The following ITFG1 variants were observed in gnomAD, a reference collection of about 807,000 sequenced individuals.
ITFG1 encodes the protein integrin alpha FG-GAP repeat containing 1.
A neutral mutation model predicts 81.8 loss-of-function variants in ITFG1; 34 were observed. That is an observed-to-expected ratio of 0.42 (90% CI 0.32 to 0.55). ITFG1 has a LOEUF of 0.55. ITFG1 is among the 20% of genes least tolerant of loss of function. The pLI, the probability that ITFG1 is intolerant of heterozygous loss-of-function variation, is 0.17. For synonymous variants in ITFG1, 285 were observed against 270.6 expected, an observed-to-expected ratio of 1.05 and a Z score of -0.52; for missense variants, 672 against 755.4, an observed-to-expected ratio of 0.89 and a Z score of 1.29.
chr16:47,208,187 C>A (rs1482984335), intron 14 of ITFG1, among the ~76,000 whole-genome samples: 1 of 152,154 alleles, frequency 6.6e-6, no homozygotes, highest in African/African-American at 2.4e-5. Context: ...GACTAGAGAA[C>A]CTGGAGCCAG....
At position 47,185,644 on chromosome 16, in the gene ITFG1, C is replaced by G. The variant is rs1596793685; in HGVS notation, c.1454-22980G>C. Among the ~76,000 whole-genome samples, 6 of 152,184 alleles carry G rather than the reference C, an allele frequency of 3.9e-5. No homozygotes were observed. In the South Asian group the frequency reaches 1.2e-3, roughly 32 times the overall value. On this transcript the variant is annotated intron_variant, in intron 14 of 17. Transcript: ENST00000320640. ...GAGGGAAATTTATAGCACTAAATGCCCACAAGAGAGCAGGAAAGATCCAAA... is the reference window on the plus strand; with the variant it reads ...GAGGGAAATTTATAGCACTAAATGCGCACAAGAGAGCAGGAAAGATCCAAA...
At chr16:47,436,737 A>G (rs959597870) in intron 5 of ITFG1, among the ~76,000 whole-genome samples, 1 of 152,170 alleles carries the variant, frequency 6.6e-6, no homozygotes, top group Non-Finnish European at 1.5e-5. Context: ...ATCAACAAAA[A>G]TAACTTTCAG....
intron 8 of ITFG1, among the ~76,000 whole-genome samples, chr16:47,361,919 C>T (rs1335585128): frequency 6.6e-6 from 1 of 152,072 alleles, no homozygotes; most frequent in Non-Finnish European, 1.5e-5. Flanking sequence ...TGACCTCTTC[C>T]CTCTTAAAGG....
intron 13 of ITFG1, among the ~76,000 whole-genome samples, chr16:47,221,140 C>A (rs1201906159): frequency 6.6e-6 from 1 of 151,952 alleles, no homozygotes; most frequent in Non-Finnish European, 1.5e-5. Flanking sequence ...CACTATATGA[C>A]CTTTTCGGAA....
chr16:47,203,909 CAG>C (rs1327653458), intron 14 of ITFG1, among the ~76,000 whole-genome samples: 2 of 152,100 alleles, frequency 1.3e-5, no homozygotes, highest in African/African-American at 2.4e-5. Flanking sequence ...TTAATGGGTA[CAG>C]AGTTTCAAGT....
intron 5 of ITFG1, among the ~76,000 whole-genome samples, chr16:47,443,750 G>A (rs1198638937): frequency 6.6e-6 from 1 of 152,108 alleles, no homozygotes; most frequent in Non-Finnish European, 1.5e-5. Flanking sequence ...GACTGCTTTG[G>A]GGTGGCGGGA....
At chr16:47,289,411 C>T (rs985463892) in intron 10 of ITFG1, among the ~76,000 whole-genome samples, 6 of 152,064 alleles carry the variant, frequency 3.9e-5, no homozygotes, top group Non-Finnish European at 8.8e-5. Flanking sequence ...TTCTGAAATA[C>T]CTTAAGAATT....
At chr16:47,294,529 C>A (rs1326823795) in intron 10 of ITFG1, among the ~76,000 whole-genome samples, 2 of 152,052 alleles carry the variant, frequency 1.3e-5, no homozygotes, top group South Asian at 2.1e-4. Flanking sequence ...TCTACAATTT[C>A]TTTCATCAAA....
At chr16:47,375,692 C>A (rs550534080) in intron 7 of ITFG1, among the ~76,000 whole-genome samples, 184 bp downstream of exon 7, 2 of 152,314 alleles carry the variant, frequency 1.3e-5, no homozygotes, top group East Asian at 3.9e-4. Flanking sequence ...GTAACTGATG[C>A]TGAATGAATC....
intron 10 of ITFG1, 39 bp downstream of exon 10, chr16:47,311,201 T>G (rs41303621): frequency 7.1e-5 from 104 of 1,472,880 alleles, no homozygotes; most frequent in Non-Finnish European, 9.3e-5. Flanking sequence ...ATTTCTCACA[T>G]AGTTTACAAA....
intron 8 of ITFG1, among the ~76,000 whole-genome samples, chr16:47,340,630 A>G (rs1362710417): frequency 6.6e-6 from 1 of 152,226 alleles, no homozygotes; most frequent in Non-Finnish European, 1.5e-5. Context: ...GTGAAAAGAC[A>G]TATAGAAAAC....
At chr16:47,299,043 C>T (rs2151558656) in intron 10 of ITFG1, among the ~76,000 whole-genome samples, 1 of 152,200 alleles carries the variant, frequency 6.6e-6, no homozygotes, top group African/African-American at 2.4e-5. Context: ...AGTCCTCAGG[C>T]CCCTGGTGAA....
rs57434681 is a variant in ITFG1, at chr16:47,321,519, G to T, written c.803-7696C>A. Among the ~76,000 whole-genome samples the T allele has an allele frequency of 6.9e-3, 1,054 of 152,200 alleles. 13 individuals are homozygous for T. The highest frequency in any genetic ancestry group is 0.024 in the African/African-American group (982 of 41,534). The stretch of plus-strand genomic sequence containing the variant: ...TTTTCAGAACACATCATTAACATAA[G>T]AGAAATTATTCTCACAAAAGTACAG... On this transcript the variant is annotated intron_variant, in intron 8 of 17. Transcript: ENST00000320640.
intron 8 of ITFG1, among the ~76,000 whole-genome samples, chr16:47,354,259 C>T (rs1207524373): frequency 6.6e-6 from 1 of 152,004 alleles, no homozygotes; most frequent in Non-Finnish European, 1.5e-5. Context: ...GCATCTACAG[C>T]CAGCTGATCT....
intron 8 of ITFG1, among the ~76,000 whole-genome samples, chr16:47,335,636 A>G (rs1221201236): frequency 6.6e-6 from 1 of 152,254 alleles, no homozygotes; most frequent in South Asian, 2.1e-4. Context: ...GATGTTCAGC[A>G]TCATTAGTCA....
chr16:47,445,158 A>G (rs1373310488), intron 5 of ITFG1, among the ~76,000 whole-genome samples: 6 of 146,356 alleles, frequency 4.1e-5, no homozygotes, highest in African/African-American at 1.5e-4. Context: ...AGTTTGAGAT[A>G]TCTTAGTTAA....
chr16:47,297,624 C>G (rs542618610), intron 10 of ITFG1, among the ~76,000 whole-genome samples: 2 of 148,468 alleles, frequency 1.3e-5, no homozygotes, highest in Non-Finnish European at 1.5e-5. Flanking sequence ...TCCTGATTGA[C>G]AGTTTGCTTT....
intron 6 of ITFG1, among the ~76,000 whole-genome samples, chr16:47,389,518 G>A (rs1239707781): frequency 6.6e-6 from 1 of 151,978 alleles, no homozygotes; most frequent in Non-Finnish European, 1.5e-5. Flanking sequence ...TAACTAAGAA[G>A]GTTAATATAA....
At chr16:47,438,018 G>T (rs777959447) in intron 5 of ITFG1, among the ~76,000 whole-genome samples, 2 of 152,198 alleles carry the variant, frequency 1.3e-5, no homozygotes, top group Non-Finnish European at 2.9e-5. Context: ...TTAACAAACC[G>T]CACACCAGGA....
Sources: allele counts gnomAD v4.1 joint callset (sites outside exome capture counted in the v4.1 genomes callset), GRCh38; gene constraint gnomAD v4.1.1; transcripts MANE v1.5; gene names NCBI Gene and HGNC (gene_info 2026-07-23, HGNC 2026-07-21).